ALOX5AP: variants seen among roughly 807,000 people sequenced by gnomAD.
ALOX5AP encodes arachidonate 5-lipoxygenase-activating protein.
ALOX5AP carries 9 observed loss-of-function variants against 18.5 expected under a neutral mutation model. The observed-to-expected ratio is 0.49, with a 90% CI of 0.29 to 0.85. The LOEUF (loss-of-function observed/expected upper bound fraction) is 0.85. Among genes scored for constraint, ALOX5AP ranks in the 40% least tolerant of loss-of-function variants. The pLI, the probability that ALOX5AP is intolerant of heterozygous loss-of-function variation, is 0.08. For missense variants in ALOX5AP, 172 were observed against 202.5 expected, an observed-to-expected ratio of 0.85 and a Z score of 0.91; for synonymous variants, 81 against 78.6, an observed-to-expected ratio of 1.03 and a Z score of -0.16.
chr13:30,721,692 C>T (rs1268624298), intron 1 of ALOX5AP, among the ~76,000 whole-genome samples: 1 of 152,164 alleles, frequency 6.6e-6, no homozygotes, highest in African/African-American at 2.4e-5. Context: ...TGAGACTCCT[C>T]CTCTTAAAAT....
upstream of ALOX5AP, among the ~76,000 whole-genome samples, chr13:30,735,111 A>G (rs1264921151): frequency 2.0e-5 from 3 of 152,114 alleles, no homozygotes; most frequent in Admixed American, 6.5e-5. Context: ...CCTGGGCCCA[A>G]GCAATCTTCC....
At chr13:30,744,228 G>A in intron 2 of ALOX5AP, 69 bp downstream of exon 2, 1 of 1,381,860 alleles carries the variant, frequency 7.2e-7, no homozygotes. Context: ...TAGGAGTGAT[G>A]ACCACCCTTA....
chr13:30,749,873 G>T (rs946760590), intron 2 of ALOX5AP, among the ~76,000 whole-genome samples: 1 of 152,104 alleles, frequency 6.6e-6, no homozygotes, highest in Non-Finnish European at 1.5e-5. Flanking sequence ...GATCTCTCTG[G>T]GTTCTCTGCA....
At chr13:30,713,502 T>A (rs1345448532) in exon 1 of ALOX5AP, 4 of 510,558 alleles carry the variant, frequency 7.8e-6, no homozygotes, top group Non-Finnish European at 1.4e-5. Flanking sequence ...CATTTGGAGG[T>A]GAAGGGGTCA....
intron 1 of ALOX5AP, among the ~76,000 whole-genome samples, chr13:30,714,354 C>T (rs529162569): frequency 1.7e-3 from 256 of 152,102 alleles, no homozygotes; most frequent in African/African-American, 5.8e-3. Flanking sequence ...TATCTCTGTC[C>T]TCACTGAGAG....
chr13:30,719,888 A>G (rs1488854410), intron 1 of ALOX5AP, among the ~76,000 whole-genome samples: 7 of 149,028 alleles, frequency 4.7e-5, no homozygotes, highest in Non-Finnish European at 1.5e-5. Context: ...TTTGAGATGG[A>G]GTCTTGCTCT....
At chr13:30,729,467 A>G (rs1411266103) in intron 1 of ALOX5AP, among the ~76,000 whole-genome samples, 1 of 152,140 alleles carries the variant, frequency 6.6e-6, no homozygotes, top group Non-Finnish European at 1.5e-5. Flanking sequence ...TCCTGTTAGA[A>G]CTGAATGTTC....
At position 30,742,176 on chromosome 13, in the gene ALOX5AP, C is replaced by G. The variant is rs149203520; in HGVS notation, c.71-1884C>G. On this transcript the variant is annotated intron_variant, in intron 1 of 4. Transcript: ENST00000380490. ...ACTAAAAATACAAAAATTAGCCGGG[C>G]GTGATGACGCATGCCTGTAGTCCCA... Among the ~76,000 whole-genome samples the G allele has an allele frequency of 6.6e-5, 10 of 151,982 alleles. No homozygotes were observed. In the South Asian group the frequency reaches 1.2e-3, roughly 19 times the overall value.
In ALOX5AP at chr13:30,741,899, A is replaced by C. The variant is rs192246189; in HGVS notation, c.71-2161A>C. 7.4e-5 allele frequency among the ~76,000 whole-genome samples: 11 copies of C among 147,792 alleles called. No individual in the cohort carries two copies. The East Asian group carries it at 2.2e-3, about 29-fold the overall frequency. On this transcript the variant is annotated intron_variant, in intron 1 of 4. Coordinates refer to ENST00000380490, the MANE Select transcript of ALOX5AP (RefSeq NM_001629.4). ...GACTCCAGGAATGCAGAACCCGCAG[A>C]TATAGAAGGTTGATTATGCGTTCAG...
In ALOX5AP at chr13:30,740,469, T is replaced by C. The variant is rs532568114; in HGVS notation, c.71-3591T>C. Reference sequence around the variant, plus strand: ...GCAGCCATCTCTCTATCTGTGTCTTTGTCTCTCTCTCACACTGGTTTTGGC... The same window carrying C: ...GCAGCCATCTCTCTATCTGTGTCTTCGTCTCTCTCTCACACTGGTTTTGGC... On this transcript the variant is annotated intron_variant, in intron 1 of 4. Coordinates refer to ENST00000380490, the MANE Select transcript of ALOX5AP (RefSeq NM_001629.4). Among the ~76,000 whole-genome samples, 3 of 152,346 alleles carry C rather than the reference T, an allele frequency of 2.0e-5. No individual in the cohort carries two copies. The South Asian group carries it at 6.2e-4, about 32-fold the overall frequency.
At chr13:30,714,206 C>CAAAA (rs57400275) in intron 1 of ALOX5AP, among the ~76,000 whole-genome samples, 1 of 111,876 alleles carries the variant, frequency 8.9e-6, no homozygotes, top group South Asian at 2.8e-4. Context: ...TGCTAACTTT[C>CAAAA]AAAAAAAAAA....
At chr13:30,763,844 A>G (rs988348513) in intron 4 of ALOX5AP, 100 bp from the exon 5 acceptor site, 7 of 1,139,242 alleles carry the variant, frequency 6.1e-6, no homozygotes, top group Non-Finnish European at 1.3e-6. Context: ...AGGGAGCTAT[A>G]ATTTAAACCC....
intron 1 of ALOX5AP, among the ~76,000 whole-genome samples, chr13:30,716,939 G>A (rs80084890): frequency 7.9e-4 from 121 of 152,326 alleles, no homozygotes; most frequent in African/African-American, 2.8e-3. Context: ...CACGGACAGC[G>A]CCACTCTCCT....
At chr13:30,752,676 C>T (rs1354936429) in intron 3 of ALOX5AP, among the ~76,000 whole-genome samples, 1 of 152,220 alleles carries the variant, frequency 6.6e-6, no homozygotes, top group Non-Finnish European at 1.5e-5. Context: ...TTTTGGTCCC[C>T]TTTCGGGGCC....
At chr13:30,725,965 C>T (rs1415115803) in intron 1 of ALOX5AP, among the ~76,000 whole-genome samples, 1 of 152,150 alleles carries the variant, frequency 6.6e-6, no homozygotes, top group Non-Finnish European at 1.5e-5. Flanking sequence ...AAGTCAGTGA[C>T]CAATATATGA....
intron 3 of ALOX5AP, among the ~76,000 whole-genome samples, chr13:30,755,113 C>T (rs1231424057): frequency 6.6e-6 from 1 of 152,118 alleles, no homozygotes; most frequent in Admixed American, 6.6e-5. Flanking sequence ...AGGGAATCTC[C>T]TTCCCAAAAA....
rs139219201 is a variant in ALOX5AP, at chr13:30,760,405, T to C, written c.324-3539T>C. 7.2e-3 allele frequency among the ~76,000 whole-genome samples: 1,092 copies of C among 152,314 alleles called. 6 individuals carry two copies. Among genetic ancestry groups the C allele is most frequent in the South Asian group, 0.022 (106 of 4,822 alleles). On this transcript the variant is annotated intron_variant, in intron 4 of 4. Transcript: ENST00000380490. ...GCCACCCACGATGCCTGGGTGGAAC[T>C]CAGGGCTCTGGATGCCTGGGCGCCC...
intron 1 of ALOX5AP, among the ~76,000 whole-genome samples, chr13:30,740,501 T>C (rs1459653784): frequency 1.3e-5 from 2 of 152,220 alleles, no homozygotes; most frequent in Non-Finnish European, 2.9e-5. Flanking sequence ...TGGCTTACTG[T>C]TAGCAGCTAG....
At chr13:30,753,423 C>A (rs899837056) in intron 3 of ALOX5AP, among the ~76,000 whole-genome samples, 13 of 152,132 alleles carry the variant, frequency 8.5e-5, no homozygotes, top group Non-Finnish European at 1.0e-4. Flanking sequence ...TAGATGAATG[C>A]GGACTTGCTG....
Sources: allele counts gnomAD v4.1 joint callset (sites outside exome capture counted in the v4.1 genomes callset), GRCh38; gene constraint gnomAD v4.1.1; transcripts MANE v1.5; gene names NCBI Gene and HGNC (gene_info 2026-07-23, HGNC 2026-07-21).